The following ZNRF2 variants were observed in gnomAD, a reference collection of about 807,000 sequenced individuals.
ZNRF2 encodes E3 ubiquitin-protein ligase ZNRF2.
ZNRF2 carries 16 observed loss-of-function variants against 20.4 expected under a neutral mutation model. The ratio of observed to expected loss-of-function variants is 0.79; its 90% CI spans 0.53 to 1.19. ZNRF2 has a LOEUF of 1.19. Among genes scored for constraint, ZNRF2 ranks in the 50% most tolerant of loss-of-function variants. ZNRF2 has a pLI of 0.00. For synonymous variants in ZNRF2, 178 were observed against 144.9 expected (o/e 1.23, Z -1.64); for missense variants, 363 against 332.4 (o/e 1.09, Z -0.72).
At chr7:30,324,584 C>CA (rs1422742092) in intron 2 of ZNRF2, among the ~76,000 whole-genome samples, 1 of 149,354 alleles carries the variant, frequency 6.7e-6, no homozygotes, top group Non-Finnish European at 1.5e-5. Context: ...AACAAACAAA[C>CA]AAAAAAACAG....
intron 2 of ZNRF2, 104 bp downstream of exon 2, chr7:30,323,841 C>T: frequency 2.5e-6 from 2 of 800,114 alleles, no homozygotes. Flanking sequence ...ACATTGTTTT[C>T]TCTATTTTTA....
intron 1 of ZNRF2, among the ~76,000 whole-genome samples, chr7:30,306,365 A>C (rs574648388): frequency 6.6e-6 from 1 of 152,276 alleles, no homozygotes; most frequent in African/African-American, 2.4e-5. Flanking sequence ...AGTTGCCTTA[A>C]ATGGTGGGTA....
At position 30,297,711 on chromosome 7, in the gene ZNRF2, C is replaced by A. The variant is rs192919357; in HGVS notation, c.469+11885C>A. On this transcript the variant is annotated intron_variant, in intron 1 of 4. Transcript: ENST00000323037. ...CATTGTGCAGCATATTTGGTAGGCTCTTTGAGTCAGCTGCTTTCTGTGATT... is the reference window on the plus strand; with the variant it reads ...CATTGTGCAGCATATTTGGTAGGCTATTTGAGTCAGCTGCTTTCTGTGATT... 1.7e-3 allele frequency among the ~76,000 whole-genome samples: 254 copies of A among 149,348 alleles called. 1 individual carries two copies. Among genetic ancestry groups the A allele is most frequent in the African/African-American group, 6.0e-3 (241 of 40,338 alleles).
In ZNRF2 at chr7:30,366,574, A is replaced by T. The variant is rs1212763643; in HGVS notation, c.*562A>T. On this transcript the variant is annotated 3_prime_UTR_variant, in exon 5 of 5. Coordinates refer to ENST00000323037, the MANE Select transcript of ZNRF2 (RefSeq NM_147128.4). ...AAGCAGTAAAAACATCTGAATGTAG[A>T]CCATGATCTCAAGTTCTTCCATTTT... 6.6e-6 allele frequency: 1 copy of T among 152,568 alleles called. No individual in the cohort carries two copies. Among genetic ancestry groups the T allele is most frequent in the African/African-American group, 2.4e-5 (1 of 41,446 alleles). 9.5% of individuals were successfully genotyped at this position (152,568 alleles called of 1,614,324 possible).
intron 1 of ZNRF2, among the ~76,000 whole-genome samples, chr7:30,320,422 C>T (rs1392408691): frequency 6.6e-6 from 1 of 152,148 alleles, no homozygotes; most frequent in Non-Finnish European, 1.5e-5. Flanking sequence ...GTAGTACCCA[C>T]ATGCATATCA....
In ZNRF2 at chr7:30,295,050, A is replaced by AGAGAGTGT. The variant is rs1412764480; in HGVS notation, c.469+9225_469+9226insAGAGTGTG. On this transcript the variant is annotated intron_variant, in intron 1 of 4. Coordinates refer to ENST00000323037, the MANE Select transcript of ZNRF2 (RefSeq NM_147128.4). ...GAGAGAGAGAGAGAGAGAGAGAGAGAGTGTGTGTGTGTGTGTGTGTGTGTG... is the reference window on the plus strand; with the variant it reads ...GAGAGAGAGAGAGAGAGAGAGAGAGAGAGAGTGTGTGTGTGTGTGTGTGTGTGTGTGTG... 2.6e-3 allele frequency among the ~76,000 whole-genome samples: 99 copies of AGAGAGTGT among 38,276 alleles called. 2 individuals carry two copies. Among genetic ancestry groups the AGAGAGTGT allele is most frequent in the Non-Finnish European group, 3.2e-3 (66 of 20,848 alleles). The allele number at this position is 38,276 out of a possible 152,430, so 25.1% of individuals were successfully genotyped here. A position where few individuals can be genotyped will look rare whatever the true frequency, so the allele number is the denominator to read the frequency against.
chr7:30,325,774 A>G (rs892593742), intron 2 of ZNRF2, among the ~76,000 whole-genome samples: 2 of 152,170 alleles, frequency 1.3e-5, no homozygotes, highest in Non-Finnish European at 2.9e-5. Context: ...GGCATAATAA[A>G]TGTATTTGTT....
intron 2 of ZNRF2, among the ~76,000 whole-genome samples, chr7:30,343,331 T>C (rs529953075): frequency 2.6e-5 from 4 of 152,074 alleles, no homozygotes; most frequent in African/African-American, 9.6e-5. Context: ...CAAAAAGACA[T>C]AGATAAAATT....
At chr7:30,347,574 A>G (rs550577372) in intron 2 of ZNRF2, among the ~76,000 whole-genome samples, 1 of 152,280 alleles carries the variant, frequency 6.6e-6, no homozygotes, top group South Asian at 2.1e-4. Flanking sequence ...AAAAAAATCC[A>G]TGGTGGTACA....
At chr7:30,337,667 A>G (rs1275600904) in intron 2 of ZNRF2, among the ~76,000 whole-genome samples, 2 of 152,140 alleles carry the variant, frequency 1.3e-5, no homozygotes, top group Admixed American at 1.3e-4. Flanking sequence ...CAGAAACATG[A>G]GACACCCATG....
chr7:30,295,038 AGAGAGAGAGAGAGT>A (rs1798989403), intron 1 of ZNRF2, among the ~76,000 whole-genome samples: 3 of 112,948 alleles, frequency 2.7e-5, no homozygotes, highest in South Asian at 3.1e-4. Flanking sequence ...AGAGAGAGAG[AGAGAGAGAGAGAGT>A]GTGTGTGTGT....
At chr7:30,329,561 G>A (rs994027179) in intron 2 of ZNRF2, among the ~76,000 whole-genome samples, 1 of 152,074 alleles carries the variant, frequency 6.6e-6, no homozygotes, top group African/African-American at 2.4e-5. Flanking sequence ...TGCTATAGTT[G>A]TCTTTCTGTG....
intron 1 of ZNRF2, among the ~76,000 whole-genome samples, chr7:30,314,993 T>G (rs1304583486): frequency 1.3e-5 from 2 of 152,028 alleles, no homozygotes; most frequent in African/African-American, 4.8e-5. Flanking sequence ...ATTTTTTGTA[T>G]TTTTAGTAGA....
intron 2 of ZNRF2, among the ~76,000 whole-genome samples, chr7:30,347,190 C>T (rs1002797323): frequency 6.6e-5 from 10 of 152,180 alleles, no homozygotes; most frequent in Non-Finnish European, 1.2e-4. Context: ...TTACGAGTTA[C>T]AGAATCTCTC....
intron 1 of ZNRF2, among the ~76,000 whole-genome samples, chr7:30,318,565 A>G (rs527340553): frequency 1.3e-3 from 200 of 152,262 alleles, no homozygotes; most frequent in Admixed American, 2.4e-3. Flanking sequence ...TTTCCTGCCA[A>G]TTGGTGTATT....
chr7:30,341,689 A>G (rs771072647), intron 2 of ZNRF2, among the ~76,000 whole-genome samples: 5 of 152,136 alleles, frequency 3.3e-5, no homozygotes, highest in Non-Finnish European at 5.9e-5. Context: ...AGAAGAATAT[A>G]TATTCTGTTG....
chr7:30,289,145 C>T (rs913375266), intron 1 of ZNRF2, among the ~76,000 whole-genome samples: 87 of 152,254 alleles, frequency 5.7e-4, no homozygotes, highest in African/African-American at 2.0e-3. Context: ...TGCTTTTGGC[C>T]TCCTGATTTT....
intron 1 of ZNRF2, chr7:30,290,035 A>G (rs1413232140): frequency 2.4e-6 from 1 of 421,504 alleles, no homozygotes; most frequent in Non-Finnish European, 4.6e-6. Context: ...TAAACTTATT[A>G]CATGTAGTAT....
intron 1 of ZNRF2, among the ~76,000 whole-genome samples, chr7:30,298,573 A>G (rs1308853639): frequency 6.6e-6 from 1 of 152,248 alleles, no homozygotes; most frequent in Non-Finnish European, 1.5e-5. Context: ...CAGAGTGAGA[A>G]GAAGATTGAG....
Sources: gnomAD v4.1 joint callset for allele counts (sites outside exome capture counted in the v4.1 genomes callset) on GRCh38, gnomAD v4.1.1 for gene constraint, MANE v1.5 for transcripts, NCBI Gene and HGNC (gene_info 2026-07-23, HGNC 2026-07-21) for gene names.